LMX1A: variants seen among roughly 807,000 people sequenced by gnomAD.
LMX1A encodes the protein LIM homeobox transcription factor 1 alpha.
A neutral mutation model predicts 49.1 loss-of-function variants in LMX1A; 15 were observed. That is an observed-to-expected ratio of 0.31 (90% CI 0.20 to 0.47). The LOEUF (loss-of-function observed/expected upper bound fraction) is 0.47, where lower values mean the gene tolerates loss of function less well. LMX1A is among the 20% of genes least tolerant of loss of function. The pLI is 1.00. For missense variants in LMX1A, 372 were observed against 475.8 expected (o/e 0.78, Z 2.03); for synonymous variants, 167 against 185.7 (o/e 0.90, Z 0.82).
At chr1:165,319,350 G>C (rs1571220805) in intron 3 of LMX1A, among the ~76,000 whole-genome samples, 1 of 152,042 alleles carries the variant, frequency 6.6e-6, no homozygotes, top group African/African-American at 2.4e-5. Context: ...TAAAGTATAA[G>C]AGACACAAGA....
chr1:165,258,212 T>A (rs549911224), intron 3 of LMX1A, among the ~76,000 whole-genome samples: 1 of 152,356 alleles, frequency 6.6e-6, no homozygotes, highest in Admixed American at 6.5e-5. Context: ...CAAAACTGTC[T>A]GCCGGAAAAT....
chr1:165,340,485 A>C (rs1448003390), intron 3 of LMX1A, among the ~76,000 whole-genome samples: 1 of 152,108 alleles, frequency 6.6e-6, no homozygotes, highest in African/African-American at 2.4e-5. Context: ...ACTCACTCTG[A>C]TGTTCTCCCC....
chr1:165,221,516 G>GCC (rs964908482), intron 4 of LMX1A, among the ~76,000 whole-genome samples: 8 of 152,128 alleles, frequency 5.3e-5, no homozygotes, highest in African/African-American at 1.9e-4. Context: ...CAAGCTGCAT[G>GCC]CCAGAGTCAG....
chr1:165,291,515 T>C (rs891175820), intron 3 of LMX1A, among the ~76,000 whole-genome samples: 1 of 152,208 alleles, frequency 6.6e-6, no homozygotes, highest in Admixed American at 6.5e-5. Context: ...TGTCTAATCA[T>C]CTATGACTCT....
intron 3 of LMX1A, among the ~76,000 whole-genome samples, chr1:165,268,642 G>A (rs1165751375): frequency 6.6e-6 from 1 of 152,218 alleles, no homozygotes; most frequent in Admixed American, 6.5e-5. Flanking sequence ...GTCTGGATTC[G>A]AGGCCCCACT....
intron 4 of LMX1A, among the ~76,000 whole-genome samples, chr1:165,224,597 C>T (rs922405098): frequency 6.6e-6 from 1 of 152,162 alleles, no homozygotes; most frequent in Non-Finnish European, 1.5e-5. Flanking sequence ...AAGTCTAAAT[C>T]ATCTTTGTAT....
At position 165,202,921 on chromosome 1, in the gene LMX1A, T is replaced by A. The variant is rs35479059; in HGVS notation, c.*959A>T. 0.21 allele frequency: 32,683 copies of A among 152,654 alleles called. 4,431 individuals carry two copies. The highest frequency in any genetic ancestry group is 0.34 in the Middle Eastern group (100 of 294). The allele number at this position is 152,654 out of a possible 1,614,324, so 9.5% of individuals were successfully genotyped here. A position where few individuals can be genotyped will look rare whatever the true frequency, so the allele number is the denominator to read the frequency against. On this transcript the variant is annotated 3_prime_UTR_variant, in exon 9 of 9. Coordinates refer to ENST00000342310, the MANE Select transcript of LMX1A (RefSeq NM_177398.4). ...CAGATATTAGTCTCAGCCCTGCTCA[T>A]GTGTCCTGGGAATGAATTAAGCCTT...
At chr1:165,331,843 G>A (rs1848140) in intron 3 of LMX1A, among the ~76,000 whole-genome samples, 124,663 of 152,208 alleles carry the variant, frequency 0.82, 51,241 homozygotes, top group Middle Eastern at 0.91. Flanking sequence ...CTTGAACCCA[G>A]GAGGTGGAAG....
At chr1:165,210,315 CCT>C in intron 6 of LMX1A, among the ~76,000 whole-genome samples, 1 of 152,260 alleles carries the variant, frequency 6.6e-6, no homozygotes, top group East Asian at 1.9e-4. Flanking sequence ...CTCATTCTAC[CCT>C]GTCATAAAAT....
intron 3 of LMX1A, among the ~76,000 whole-genome samples, chr1:165,299,201 C>A (rs573584702): frequency 6.6e-6 from 1 of 152,206 alleles, no homozygotes; most frequent in East Asian, 1.9e-4. Context: ...GACATTTACA[C>A]GTCAGTATAA....
At chr1:165,279,932 T>A (rs535048405) in intron 3 of LMX1A, among the ~76,000 whole-genome samples, 9 of 150,122 alleles carry the variant, frequency 6.0e-5, no homozygotes, top group African/African-American at 2.2e-4. Flanking sequence ...GCAACCAGAC[T>A]GGGACTAAGC....
intron 4 of LMX1A, among the ~76,000 whole-genome samples, chr1:165,215,546 T>G (rs916324929): frequency 6.6e-6 from 1 of 152,206 alleles, no homozygotes; most frequent in African/African-American, 2.4e-5. Context: ...TCTTTCCTCC[T>G]GTCCTCCTCT....
At chr1:165,275,836 GGTGTGTGTGTATGT>G (rs1557870830) in intron 3 of LMX1A, among the ~76,000 whole-genome samples, 4 of 128,358 alleles carry the variant, frequency 3.1e-5, no homozygotes, top group Admixed American at 1.6e-4. Context: ...ATGGCGCTGG[GGTGTGTGTGTATGT>G]GTGTGTGTGT....
chr1:165,349,617 G>A (rs905499654), intron 3 of LMX1A, among the ~76,000 whole-genome samples: 3 of 143,942 alleles, frequency 2.1e-5, no homozygotes, highest in African/African-American at 8.1e-5. Context: ...CACCTTAAAT[G>A]CTTTTTTTTT....
chr1:165,326,019 T>C (rs910983909), intron 3 of LMX1A, among the ~76,000 whole-genome samples: 1 of 35,664 alleles, frequency 2.8e-5, no homozygotes, highest in Non-Finnish European at 1.1e-4. Flanking sequence ...TCCCCGGCAC[T>C]GCCCTGTTGG....
intron 6 of LMX1A, 57 bp downstream of exon 6, chr1:165,210,642 G>T: frequency 1.5e-6 from 2 of 1,331,274 alleles, no homozygotes; most frequent in Non-Finnish European, 2.2e-6. Flanking sequence ...ATGTCCTACT[G>T]TGATTATTTC....
intron 3 of LMX1A, among the ~76,000 whole-genome samples, chr1:165,333,476 T>C (rs982645472): frequency 2.3e-4 from 35 of 152,240 alleles, no homozygotes; most frequent in Admixed American, 1.8e-3. Flanking sequence ...CTTCTCAACA[T>C]TTGCTTTTTA....
At chr1:165,267,723 G>A (rs1653670366) in intron 3 of LMX1A, among the ~76,000 whole-genome samples, 1 of 152,150 alleles carries the variant, frequency 6.6e-6, no homozygotes, top group African/African-American at 2.4e-5. Flanking sequence ...CAACTCAAGT[G>A]AATATTTCAA....
At chr1:165,250,376 T>TATTATTTAA (rs1192722138) in intron 3 of LMX1A, among the ~76,000 whole-genome samples, 3 of 152,322 alleles carry the variant, frequency 2.0e-5, no homozygotes, top group Admixed American at 1.3e-4. Flanking sequence ...TGGGGGAGCT[T>TATTATTTAA]ATTATTTAAA....
Sources: allele counts gnomAD v4.1 joint callset (sites outside exome capture counted in the v4.1 genomes callset), GRCh38; gene constraint gnomAD v4.1.1; transcripts MANE v1.5; gene names NCBI Gene and HGNC (gene_info 2026-07-23, HGNC 2026-07-21).